Variants in ZFR observed in about 807,000 individuals in gnomAD.
The protein encoded by ZFR is zinc finger RNA binding protein.
ZFR carries 19 observed loss-of-function variants against 130.7 expected under a neutral mutation model. The observed-to-expected ratio is 0.15, with a 90% confidence interval of 0.10 to 0.21. The LOEUF (loss-of-function observed/expected upper bound fraction) is 0.21. Among genes scored for constraint, ZFR ranks in the 10% least tolerant of loss-of-function variants. The pLI, the probability that ZFR is intolerant of heterozygous loss-of-function variation, is 1.00. For missense variants in ZFR, 872 were observed against 1,321.5 expected (o/e 0.66, Z 5.27); for synonymous variants, 466 against 456.9 (o/e 1.02, Z -0.25).
intron 15 of ZFR, among the ~76,000 whole-genome samples, chr5:32,382,812 A>G (rs1464956128): frequency 1.3e-5 from 2 of 152,188 alleles, no homozygotes; most frequent in Non-Finnish European, 2.9e-5. Context: ...TACAGCTATA[A>G]GTAGAAAATT....
chr5:32,369,698 T>A (rs1752618488), intron 17 of ZFR, among the ~76,000 whole-genome samples: 1 of 151,876 alleles, frequency 6.6e-6, no homozygotes, highest in South Asian at 2.1e-4. Flanking sequence ...TACAGTCCTA[T>A]GTACGTGGGA....
Position 32,363,974 on chromosome 5 carries a change from G to A in ZFR, c.3019C>T (p.Arg1007Cys), listed in dbSNP as rs768138742. The A allele has an allele frequency of 3.7e-6, 6 of 1,613,900 alleles. No individual in the cohort carries two copies. Among genetic ancestry groups the A allele is most frequent in the East Asian group, 2.2e-5 (1 of 44,888 alleles). Residue 1007 changes from arginine to cysteine, a missense_variant, in exon 19 of 20, where the codon CGT (arginine) becomes TGT (cysteine). Coordinates refer to ENST00000265069, the MANE Select transcript of ZFR (RefSeq NM_016107.5). ...TGTGCACTGGATGTGATGTCTTCACGCTGCTGGTCAGTCATTGTTGCCAAG... is the reference window on the plus strand; with the variant it reads ...TGTGCACTGGATGTGATGTCTTCACACTGCTGGTCAGTCATTGTTGCCAAG... ...DTLATMTDQQREDITSSAQFA... is the reference protein window; with the variant it reads ...DTLATMTDQQCEDITSSAQFA...
At chr5:32,367,220 C>T (rs1158040308) in intron 17 of ZFR, among the ~76,000 whole-genome samples, 2 of 151,860 alleles carry the variant, frequency 1.3e-5, no homozygotes, top group African/African-American at 2.4e-5. Flanking sequence ...GATCACCTGA[C>T]GTGAGGAGTT....
At chr5:32,422,798 C>CAAAAAA (rs10693151) in intron 2 of ZFR, among the ~76,000 whole-genome samples, 262 of 23,976 alleles carry the variant, frequency 0.011, 41 homozygotes, top group Middle Eastern at 0.12. Flanking sequence ...AAACCTGTCT[C>CAAAAAA]AAAAAAAAAA....
At chr5:32,409,684 G>C (rs936879773) in intron 5 of ZFR, among the ~76,000 whole-genome samples, 2 of 152,166 alleles carry the variant, frequency 1.3e-5, no homozygotes, top group African/African-American at 4.8e-5. Flanking sequence ...GGGATTACAG[G>C]CATGAGCCAC....
At chr5:32,413,336 G>A (rs1348009378) in intron 5 of ZFR, among the ~76,000 whole-genome samples, 1 of 152,066 alleles carries the variant, frequency 6.6e-6, no homozygotes, top group Non-Finnish European at 1.5e-5. Flanking sequence ...CAATAAAGCA[G>A]TTTACAGAAT....
intron 2 of ZFR, among the ~76,000 whole-genome samples, chr5:32,437,700 GA>G (rs1192836881): frequency 2.0e-5 from 3 of 151,626 alleles, no homozygotes; most frequent in African/African-American, 7.3e-5. Context: ...AAATGTAGCT[GA>G]TTTTTTTTTT....
In ZFR at chr5:32,355,777, C is replaced by T; in HGVS notation, c.3208G>A (p.Asp1070Asn). ...GACACTTTTTAAAAGTTATCATAATCTTTTTTGTCTTTTTTCCCCTCAGCT... is the reference window on the plus strand; with the variant it reads ...GACACTTTTTAAAAGTTATCATAATTTTTTTTGTCTTTTTTCCCCTCAGCT... ...FEAEGKKDKKDYDNF is the reference protein window; with the variant it reads ...FEAEGKKDKKNYDNF Residue 1070 changes from aspartate (D) to asparagine (N), a missense_variant, in exon 20 of 20, where the codon GAT becomes AAT. Physicochemically the swap from Asp to Asn is conservative, Grantham distance 23. This residue lies in a region of ZFR where 158 missense variants were observed against 264.0 expected (regional missense o/e 0.60). Transcript: ENST00000265069. 6.3e-7 allele frequency: 1 copy of T among 1,586,036 alleles called. No homozygotes were observed. The highest frequency in any genetic ancestry group is 1.2e-5 in the South Asian group (1 of 85,616).
intron 2 of ZFR, among the ~76,000 whole-genome samples, chr5:32,440,887 T>C (rs1193573587): frequency 6.6e-6 from 1 of 152,190 alleles, no homozygotes; most frequent in African/African-American, 2.4e-5. Context: ...ATCTCAAATA[T>C]TAACAAGCTA....
intron 5 of ZFR, 112 bp from the exon 6 acceptor site, chr5:32,407,133 C>T (rs1278860285): frequency 4.9e-5 from 48 of 988,126 alleles, no homozygotes; most frequent in Non-Finnish European, 6.4e-5. Context: ...TTTACATGTG[C>T]ATATTTACAA....
intron 2 of ZFR, among the ~76,000 whole-genome samples, chr5:32,424,348 G>A (rs1004659723): frequency 8.5e-5 from 13 of 152,076 alleles, no homozygotes; most frequent in African/African-American, 3.1e-4. Context: ...TAGAGACCAC[G>A]GTGAAAGCCC....
At chr5:32,378,601 C>A (rs1752875262) in intron 17 of ZFR, among the ~76,000 whole-genome samples, 1 of 151,932 alleles carries the variant, frequency 6.6e-6, no homozygotes, top group Non-Finnish European at 1.5e-5. Context: ...ATTTTTTTCT[C>A]CTAGAAGAAA....
intron 11 of ZFR, among the ~76,000 whole-genome samples, chr5:32,394,114 G>A (rs983905459): frequency 3.9e-5 from 6 of 152,132 alleles, no homozygotes; most frequent in Non-Finnish European, 5.9e-5. Context: ...ATACGTGTAT[G>A]GTATGTTTCT....
At chr5:32,369,535 G>A (rs1180956917) in intron 17 of ZFR, among the ~76,000 whole-genome samples, 1 of 150,784 alleles carries the variant, frequency 6.6e-6, no homozygotes, top group Non-Finnish European at 1.5e-5. Flanking sequence ...GTCAGGAATG[G>A]TGGCTCACGC....
chr5:32,354,906 A>G lies in ZFR; in HGVS notation c.*854T>C, dbSNP rs1752273219. On this transcript the variant is annotated 3_prime_UTR_variant, in exon 20 of 20. Transcript: ENST00000265069. Reference sequence around the variant, plus strand: ...TATACACAAGAAAAAAATATTCAGAAAGTTATTTTTGGCCTTGCTATGTCA... The same window carrying G: ...TATACACAAGAAAAAAATATTCAGAGAGTTATTTTTGGCCTTGCTATGTCA... 6.6e-6 allele frequency: 1 copy of G among 152,210 alleles called. No homozygotes were observed. The allele number at this position is 152,210 out of a possible 1,614,324, so 9.4% of individuals were successfully genotyped here.
chr5:32,390,353 A>C lies in ZFR; in HGVS notation c.2064T>G (p.Gly688=). The change falls in exon 12 of 20, where the codon GGT becomes GGG. Residue 688 remains glycine (G), a synonymous_variant. Transcript: ENST00000265069. The stretch of plus-strand genomic sequence containing the variant: ...ATGGGCCTGGAGGACCATGAGGATA[A>C]CCTCCATCTGGCATTCGGCGGCGAT... ...WDDRRRMPDG[G]YPHGPPGPLG... is the part of the protein sequence containing the mutation. The C allele has an allele frequency of 6.2e-7, 1 of 1,614,120 alleles. No individual in the cohort carries two copies. The highest frequency in any genetic ancestry group is 8.5e-7 in the Non-Finnish European group (1 of 1,179,992).
chr5:32,375,502 G>C (rs1752783052), intron 17 of ZFR, among the ~76,000 whole-genome samples: 1 of 152,068 alleles, frequency 6.6e-6, no homozygotes, highest in Non-Finnish European at 1.5e-5. Context: ...AATATCATTT[G>C]TAGATATGTC....
intron 2 of ZFR, among the ~76,000 whole-genome samples, chr5:32,436,110 T>C (rs1197329328): frequency 1.3e-5 from 2 of 149,468 alleles, no homozygotes; most frequent in Non-Finnish European, 3.0e-5. Context: ...TCCCTGGTCC[T>C]ACCTTAAAGT....
At chr5:32,413,643 T>G (rs1215604488) in intron 5 of ZFR, among the ~76,000 whole-genome samples, 1 of 152,192 alleles carries the variant, frequency 6.6e-6, no homozygotes, top group Non-Finnish European at 1.5e-5. Flanking sequence ...ACTCTGGTAC[T>G]TCCTATTTTG....
Sources: gnomAD v4.1 joint callset for allele counts (sites outside exome capture counted in the v4.1 genomes callset) on GRCh38, gnomAD v4.1.1 for gene constraint, gnomAD v4.1.1 regional missense constraint, MANE v1.5 for transcripts, NCBI Gene and HGNC (gene_info 2026-07-23, HGNC 2026-07-21) for gene names.